TNIP1: variants seen among roughly 807,000 people sequenced by gnomAD.
TNIP1 encodes the protein TNFAIP3 interacting protein 1, also known as TNFAIP3-interacting protein 1.
A neutral mutation model predicts 86.6 loss-of-function variants in TNIP1; 22 were observed. The observed-to-expected ratio is 0.25, with a 90% confidence interval of 0.18 to 0.36. TNIP1 has a LOEUF of 0.36. Among genes scored for constraint, TNIP1 ranks in the 10% least tolerant of loss-of-function variants. TNIP1 has a pLI of 1.00. For missense variants in TNIP1, 709 were observed against 820.6 expected, an observed-to-expected ratio of 0.86 and a Z score of 1.66; for synonymous variants, 294 against 313.0, an observed-to-expected ratio of 0.94 and a Z score of 0.64.
intron 9 of TNIP1, among the ~76,000 whole-genome samples, chr5:151,043,787 A>G (rs1401533564): frequency 6.7e-6 from 1 of 149,570 alleles, no homozygotes; most frequent in African/African-American, 2.5e-5. Flanking sequence ...AAAAAAAAAA[A>G]GAAAAGAAAA....
At chr5:151,042,692 G>A (rs761664053) in intron 10 of TNIP1, 21 bp from the exon 11 acceptor site, 1 of 1,613,362 alleles carries the variant, frequency 6.2e-7, no homozygotes, top group Non-Finnish European at 8.5e-7. Flanking sequence ...AGGCAGAGAG[G>A]AGTGTGTGAG....
Position 151,057,495 on chromosome 5 carries a change from C to T in TNIP1, c.436-538G>A, listed in dbSNP as rs184630407. On this transcript the variant is annotated intron_variant, in intron 5 of 17. Coordinates refer to ENST00000521591, the MANE Select transcript of TNIP1 (RefSeq NM_006058.5). ...AATCCCACCACTTTGGGAGGCTGAG[C>T]GGGCAGATCACAAGGTCAGGAGATC... Among the ~76,000 whole-genome samples, 229 of 152,288 alleles carry T rather than the reference C, an allele frequency of 1.5e-3. 1 individual carries two copies. Among genetic ancestry groups the T allele is most frequent in the African/African-American group, 5.2e-3 (217 of 41,568 alleles).
chr5:151,050,931 C>A (rs1403781928), intron 7 of TNIP1, among the ~76,000 whole-genome samples: 1 of 152,202 alleles, frequency 6.6e-6, no homozygotes, highest in Admixed American at 6.5e-5. Flanking sequence ...CCCGCCTTAA[C>A]GTCCCAAAGT....
At chr5:151,069,086 C>G (rs12110030) in intron 1 of TNIP1, among the ~76,000 whole-genome samples, 11,642 of 152,250 alleles carry the variant, frequency 0.076, 900 homozygotes, top group African/African-American at 0.2. Context: ...CAACCACAGA[C>G]CGTGAAGATG....
At position 151,039,176 on chromosome 5, in the gene TNIP1, A is replaced by G. The variant is rs568866865; in HGVS notation, c.1184T>C (p.Val395Ala). Residue 395 changes from valine (V) to alanine (A), a missense_variant, in exon 12 of 18, where the codon GTC becomes GCC. Physicochemically the swap from Val to Ala is moderately conservative, Grantham distance 64. Coordinates refer to ENST00000521591, the MANE Select transcript of TNIP1 (RefSeq NM_006058.5). ...GCTCAGCTGATCCTGCAGGTACTTG[A>G]CCTTTTGGCGCAGCTCCTTGGCCTC... Reference protein sequence around the residue: ...TAEAKELRQKVKYLQDQLSPL... With the variant: ...TAEAKELRQKAKYLQDQLSPL... The G allele has an allele frequency of 6.2e-7, 1 of 1,613,790 alleles. No individual in the cohort carries two copies. Among genetic ancestry groups the G allele is most frequent in the East Asian group, 2.2e-5 (1 of 44,862 alleles).
At chr5:151,067,263 G>C (rs1006432633) in intron 1 of TNIP1, among the ~76,000 whole-genome samples, 10 of 152,244 alleles carry the variant, frequency 6.6e-5, no homozygotes, top group Admixed American at 5.9e-4. Flanking sequence ...ACATAGTAAA[G>C]TACTCAAAAA....
chr5:151,037,799 G>A (rs540203090), intron 12 of TNIP1, among the ~76,000 whole-genome samples: 69 of 152,272 alleles, frequency 4.5e-4, no homozygotes, highest in African/African-American at 1.5e-3. Flanking sequence ...ACTTGGACTC[G>A]GGCTTCCACC....
intron 1 of TNIP1, among the ~76,000 whole-genome samples, chr5:151,079,147 T>G (rs138781343): frequency 6.6e-6 from 1 of 152,176 alleles, no homozygotes. Context: ...CAGAGGGGCA[T>G]GATCACGTGC....
At chr5:151,039,985 G>A (rs77998950) in intron 11 of TNIP1, among the ~76,000 whole-genome samples, 3 of 152,160 alleles carry the variant, frequency 2.0e-5, no homozygotes, top group African/African-American at 2.4e-5. Context: ...CCTGTAATAC[G>A]ATGGGAAACA....
intron 9 of TNIP1, among the ~76,000 whole-genome samples, chr5:151,044,410 C>T (rs1181579029): frequency 1.3e-5 from 2 of 151,744 alleles, no homozygotes; most frequent in Non-Finnish European, 2.9e-5. Flanking sequence ...CATATATATA[C>T]ACACACGTAT....
At chr5:151,039,065 C>T in intron 12 of TNIP1, 32 bp downstream of exon 12, 1 of 1,600,474 alleles carries the variant, frequency 6.2e-7, no homozygotes, top group Non-Finnish European at 8.5e-7. Context: ...CTCAAGGGAG[C>T]CCAGCCAAGG....
chr5:151,031,623 C>T (rs949678348), intron 17 of TNIP1, among the ~76,000 whole-genome samples: 8 of 152,216 alleles, frequency 5.3e-5, no homozygotes, highest in South Asian at 2.1e-4. Context: ...AGACCCAGGC[C>T]TCCCACCATG....
At chr5:151,047,343 C>T (rs1283020165) in intron 8 of TNIP1, among the ~76,000 whole-genome samples, 1 of 152,196 alleles carries the variant, frequency 6.6e-6, no homozygotes, top group African/African-American at 2.4e-5. Context: ...TACTGAAAAA[C>T]ATTCTACAAA....
intron 3 of TNIP1, among the ~76,000 whole-genome samples, chr5:151,063,057 G>A (rs1761785499): frequency 6.6e-6 from 1 of 152,184 alleles, no homozygotes; most frequent in East Asian, 1.9e-4. Context: ...TACCATACAT[G>A]GGACTTCAAC....
chr5:151,052,771 A>AC lies in TNIP1; in HGVS notation c.628-513dup, dbSNP rs150316899. On this transcript the variant is annotated intron_variant, in intron 6 of 17. Transcript: ENST00000521591. ...TCGTGCTGCTGTTTTCTTAATATCT[A>AC]CCCCCTTACCCCTAATTAATTCCTG... Among the ~76,000 whole-genome samples the AC allele has an allele frequency of 2.3e-3, 346 of 151,726 alleles. 3 individuals carry two copies. Among genetic ancestry groups the AC allele is most frequent in the African/African-American group, 7.4e-3 (307 of 41,306 alleles).
At chr5:151,061,882 C>A (rs1761614070) in intron 4 of TNIP1, among the ~76,000 whole-genome samples, 2 of 152,216 alleles carry the variant, frequency 1.3e-5, no homozygotes, top group Admixed American at 1.3e-4. Context: ...CAGTATACAA[C>A]TTAGTAAGTG....
At chr5:151,035,267 G>C (rs973717869) in intron 14 of TNIP1, among the ~76,000 whole-genome samples, 200 bp from the exon 15 acceptor site, 7 of 152,216 alleles carry the variant, frequency 4.6e-5, no homozygotes, top group African/African-American at 1.4e-4. Flanking sequence ...TTGTCACAGT[G>C]GTCTGTGCAC....
chr5:151,063,786 C>G (rs2233285), intron 2 of TNIP1, 39 bp from the exon 3 acceptor site: 2 of 1,604,060 alleles, frequency 1.2e-6, no homozygotes, highest in Non-Finnish European at 1.7e-6. Flanking sequence ...AGCATTTACT[C>G]GGCTCAGTGT....
chr5:151,042,033 C>T (rs1040684910), intron 11 of TNIP1, among the ~76,000 whole-genome samples: 1 of 151,862 alleles, frequency 6.6e-6, no homozygotes. Context: ...CTCCGCCTCC[C>T]AGGTTCAAGC....
Sources: gnomAD v4.1 joint callset for allele counts (sites outside exome capture counted in the v4.1 genomes callset) on GRCh38, gnomAD v4.1.1 for gene constraint, MANE v1.5 for transcripts, NCBI Gene and HGNC (gene_info 2026-07-23, HGNC 2026-07-21) for gene names.